USP31: variants seen among roughly 807,000 people sequenced by gnomAD.
USP31 encodes ubiquitin carboxyl-terminal hydrolase 31.
A neutral mutation model predicts 119.4 loss-of-function variants in USP31; 44 were observed. The observed-to-expected ratio is 0.37, with a 90% CI of 0.29 to 0.47. The LOEUF (loss-of-function observed/expected upper bound fraction) is 0.47, where lower values mean the gene tolerates loss of function less well. Ranked by LOEUF, USP31 falls within the 20% of genes least tolerant of loss-of-function variation. The pLI is 0.99. For missense variants in USP31, 1,643 were observed against 1,730.2 expected, an observed-to-expected ratio of 0.95 and a Z score of 0.89; for synonymous variants, 749 against 705.6, an observed-to-expected ratio of 1.06 and a Z score of -0.97.
chr16:23,092,269 T>C (rs543768623), intron 6 of USP31, among the ~76,000 whole-genome samples: 1 of 152,304 alleles, frequency 6.6e-6, no homozygotes, highest in South Asian at 2.1e-4. Flanking sequence ...TTCACCAAAT[T>C]CACTTATAAA....
chr16:23,081,082 G>A (rs2141840200), intron 12 of USP31, among the ~76,000 whole-genome samples: 1 of 152,302 alleles, frequency 6.6e-6, no homozygotes, highest in East Asian at 1.9e-4. Context: ...CCAGCACGCT[G>A]TCTGACAGCA....
chr16:23,069,203 T>G lies in USP31; in HGVS notation c.2902A>C (p.Lys968Gln). ...AGGCGGTCCCCTTGTGCTGAATGTT[T>G]GCTCTGTGTATCTACGACACTGGAG... ...LNSSVVDTQSKHSAQGDRLPP... is the reference protein window; with the variant it reads ...LNSSVVDTQSQHSAQGDRLPP... Residue 968 changes from lysine (K) to glutamine (Q), a missense_variant, in exon 16 of 16, where the codon AAA (lysine) becomes CAA (glutamine). Physicochemically the swap from Lys to Gln is moderately conservative, Grantham distance 53. Around this residue, in one of 5 missense-constraint regions of USP31, gnomAD observed 699 missense variants for 650.9 expected, o/e 1.07. Coordinates refer to ENST00000219689, the MANE Select transcript of USP31 (RefSeq NM_020718.4). The G allele has an allele frequency of 6.2e-7, 1 of 1,614,252 alleles. No individual in the cohort carries two copies. Among genetic ancestry groups the G allele is most frequent in the Non-Finnish European group, 8.5e-7 (1 of 1,180,044 alleles).
chr16:23,085,560 A>G (rs752501610), intron 10 of USP31, 25 bp downstream of exon 10: 68 of 1,590,544 alleles, frequency 4.3e-5, no homozygotes, highest in Non-Finnish European at 5.7e-5. Flanking sequence ...ATGTTTCTAT[A>G]AACACTAACT....
intron 1 of USP31, among the ~76,000 whole-genome samples, chr16:23,134,596 T>C (rs1190203472): frequency 6.8e-6 from 1 of 146,100 alleles, no homozygotes; most frequent in Admixed American, 7.0e-5. Flanking sequence ...TTAAAGGAAA[T>C]CCTCACTGTA....
At chr16:23,121,356 G>C (rs1363344037) in intron 1 of USP31, among the ~76,000 whole-genome samples, 3 of 152,118 alleles carry the variant, frequency 2.0e-5, no homozygotes, top group African/African-American at 7.2e-5. Flanking sequence ...CTGGACACAA[G>C]AATCAGATCT....
chr16:23,111,045 G>A (rs752749544), intron 1 of USP31, among the ~76,000 whole-genome samples: 2 of 152,120 alleles, frequency 1.3e-5, no homozygotes, highest in East Asian at 1.9e-4. Context: ...GGAGAATGGC[G>A]TGAACCCGGG....
intron 13 of USP31, 93 bp from the exon 14 acceptor site, chr16:23,073,973 A>C: frequency 6.4e-7 from 1 of 1,558,572 alleles, no homozygotes; most frequent in Non-Finnish European, 8.8e-7. Context: ...CATCTAATTA[A>C]CTCAAGAACG....
chr16:23,090,441 T>C (rs911342535), intron 7 of USP31, among the ~76,000 whole-genome samples, 183 bp downstream of exon 7: 1 of 152,052 alleles, frequency 6.6e-6, no homozygotes, highest in African/African-American at 2.4e-5. Flanking sequence ...CCCAGATTCC[T>C]AATTTTACTC....
chr16:23,149,403 G>C lies in USP31; in HGVS notation c.-133C>G. 1.0e-6 allele frequency: 1 copy of C among 966,422 alleles called. No homozygotes were observed. Among genetic ancestry groups the C allele is most frequent in the Non-Finnish European group, 1.2e-6 (1 of 814,092 alleles). The allele number at this position is 966,422 out of a possible 1,614,324, so 59.9% of individuals were successfully genotyped here. A position where few individuals can be genotyped will look rare whatever the true frequency, so the allele number is the denominator to read the frequency against. The stretch of plus-strand genomic sequence containing the variant: ...GACGCCCCACACACCTCAAAGCGCA[G>C]CCGAGCCAGCGAGCGAGCGGCGGCC... On this transcript the variant is annotated 5_prime_UTR_variant, in exon 1 of 16. Coordinates refer to ENST00000219689, the MANE Select transcript of USP31 (RefSeq NM_020718.4).
intron 1 of USP31, among the ~76,000 whole-genome samples, chr16:23,141,679 C>A (rs1903356904): frequency 6.6e-6 from 1 of 152,174 alleles, no homozygotes; most frequent in Non-Finnish European, 1.5e-5. Context: ...GTCTGGCCTA[C>A]TGTAATTTTT....
intron 14 of USP31, 40 bp from the exon 15 acceptor site, chr16:23,072,237 C>T (rs1900377975): frequency 1.3e-6 from 2 of 1,578,434 alleles, no homozygotes; most frequent in Admixed American, 3.6e-5. Context: ...AGGCTGGGGT[C>T]CCTCGGCCAG....
In USP31 at chr16:23,098,582, C is replaced by T. The variant is rs11488913; in HGVS notation, c.1234+3737G>A. On this transcript the variant is annotated intron_variant, in intron 6 of 15. Transcript: ENST00000219689. ...CCTAACTTCAAACTATACTACAAGG[C>T]TACAGTAACCAAAACAGCATGGTAC... Among the ~76,000 whole-genome samples, 1,407 of 152,246 alleles carry T rather than the reference C, an allele frequency of 9.2e-3. 18 individuals are homozygous for T. Among genetic ancestry groups the T allele is most frequent in the African/African-American group, 0.029 (1,222 of 41,542 alleles).
intron 1 of USP31, among the ~76,000 whole-genome samples, chr16:23,120,900 T>C (rs1472112992): frequency 6.6e-6 from 1 of 152,182 alleles, no homozygotes; most frequent in Non-Finnish European, 1.5e-5. Context: ...CAAAGATCCA[T>C]ATATTTCTTC....
At chr16:23,116,051 G>A (rs544779128) in intron 1 of USP31, among the ~76,000 whole-genome samples, 28 of 152,208 alleles carry the variant, frequency 1.8e-4, no homozygotes, top group Non-Finnish European at 3.2e-4. Flanking sequence ...GGAAATGGAT[G>A]TGGCAATACT....
At chr16:23,095,591 C>A (rs1302105428) in intron 6 of USP31, among the ~76,000 whole-genome samples, 2 of 152,124 alleles carry the variant, frequency 1.3e-5, no homozygotes, top group Non-Finnish European at 2.9e-5. Flanking sequence ...TTAAGGGCAG[C>A]CAGAGTGAAA....
chr16:23,118,129 C>T (rs1479891685), intron 1 of USP31, among the ~76,000 whole-genome samples: 1 of 152,068 alleles, frequency 6.6e-6, no homozygotes, highest in Non-Finnish European at 1.5e-5. Flanking sequence ...CTCTGAGCCT[C>T]AGTCATCTTT....
chr16:23,123,237 G>A (rs374957562), intron 1 of USP31, among the ~76,000 whole-genome samples: 3 of 152,034 alleles, frequency 2.0e-5, no homozygotes, highest in Admixed American at 6.6e-5. Context: ...GGCATACTTC[G>A]TTCAAAAAGT....
chr16:23,087,694 C>T (rs372312027), intron 8 of USP31, 30 bp downstream of exon 8: 66 of 1,580,970 alleles, frequency 4.2e-5, no homozygotes, highest in Non-Finnish European at 5.5e-5. Flanking sequence ...TATACCCATG[C>T]TATGCTGGAA....
chr16:23,136,235 A>G (rs1359976903), intron 1 of USP31, among the ~76,000 whole-genome samples: 1 of 152,240 alleles, frequency 6.6e-6, no homozygotes, highest in African/African-American at 2.4e-5. Flanking sequence ...CATAAGAACT[A>G]AAACTATAAA....
Sources: allele counts gnomAD v4.1 joint callset (sites outside exome capture counted in the v4.1 genomes callset), GRCh38; gene constraint gnomAD v4.1.1; regional missense constraint gnomAD v4.1.1; transcripts MANE v1.5; gene names NCBI Gene and HGNC (gene_info 2026-07-23, HGNC 2026-07-21).